The following CNKSR2 variants were observed in gnomAD, a reference collection of about 807,000 sequenced individuals.
CNKSR2 encodes connector enhancer of kinase suppressor of Ras 2.
A neutral mutation model predicts 84.4 loss-of-function variants in CNKSR2; 14 were observed. The ratio of observed to expected loss-of-function variants is 0.17; its 90% CI spans 0.11 to 0.26. The LOEUF (loss-of-function observed/expected upper bound fraction) is 0.26, where lower values mean the gene tolerates loss of function less well. CNKSR2 is among the 10% of genes least tolerant of loss of function. The pLI is 1.00. For missense variants in CNKSR2, 485 were observed against 771.2 expected, an observed-to-expected ratio of 0.63 and a Z score of 4.40; for synonymous variants, 275 against 277.9, an observed-to-expected ratio of 0.99 and a Z score of 0.10.
chrX:21,418,674 A>G (rs2090455070), intron 1 of CNKSR2, among the ~76,000 whole-genome samples: 1 of 110,797 alleles, frequency 9.0e-6, no homozygotes, highest in Non-Finnish European at 1.9e-5. Context: ...TTGGAGCTCC[A>G]TTGTATGTTG....
At chrX:21,483,830 G>A (rs764374317) in intron 5 of CNKSR2, among the ~76,000 whole-genome samples, 58 of 109,646 alleles carry the variant, frequency 5.3e-4, no homozygotes, top group South Asian at 3.9e-4. Flanking sequence ...TTAGTGAGGC[G>A]TATACTTACA....
At chrX:21,529,695 T>C (rs977587107) in intron 10 of CNKSR2, among the ~76,000 whole-genome samples, 4 of 110,203 alleles carry the variant, frequency 3.6e-5, no homozygotes, top group East Asian at 2.9e-4. Context: ...CACACACACA[T>C]ACACATACAC....
intron 13 of CNKSR2, 49 bp downstream of exon 13, chrX:21,563,501 G>A (rs2092211110): frequency 1.1e-6 from 1 of 929,142 alleles, no homozygotes; most frequent in Admixed American, 2.6e-5. Context: ...TTGGAAGACT[G>A]GCAAGTGACT....
intron 8 of CNKSR2, among the ~76,000 whole-genome samples, chrX:21,512,206 G>T (rs2091679617): frequency 9.0e-6 from 1 of 111,705 alleles, no homozygotes; most frequent in Non-Finnish European, 1.9e-5. Context: ...CTATTACAGA[G>T]GTTCTCAAAT....
At chrX:21,441,051 C>G (rs1439210324) in intron 4 of CNKSR2, 1 of 171,278 alleles carries the variant, frequency 5.8e-6, no homozygotes, top group Non-Finnish European at 1.1e-5. Context: ...ATTACCTGAA[C>G]TGATTTTCCA....
chrX:21,520,454 TATC>T (rs1451242538), intron 9 of CNKSR2, among the ~76,000 whole-genome samples: 3 of 103,337 alleles, frequency 2.9e-5, no homozygotes, highest in Non-Finnish European at 5.8e-5. Flanking sequence ...GGTGATTGCT[TATC>T]ATCAATTTCT....
chrX:21,453,191 C>G (rs2090957786), intron 4 of CNKSR2, among the ~76,000 whole-genome samples: 1 of 111,816 alleles, frequency 8.9e-6, no homozygotes, highest in African/African-American at 3.2e-5. Context: ...ATATTTGCAT[C>G]AGAACTTTTT....
chrX:21,625,142 T>C (rs902767808), intron 20 of CNKSR2, among the ~76,000 whole-genome samples: 2 of 112,587 alleles, frequency 1.8e-5, no homozygotes, highest in Non-Finnish European at 3.8e-5. Context: ...TAAATGCACA[T>C]CGTATTCTAA....
intron 20 of CNKSR2, among the ~76,000 whole-genome samples, chrX:21,612,991 T>G (rs2092558261): frequency 8.9e-6 from 1 of 112,405 alleles, no homozygotes; most frequent in African/African-American, 3.2e-5. Context: ...CTTGTTTTCC[T>G]TTGACTGAAA....
At chrX:21,462,936 G>A (rs960889805) in intron 4 of CNKSR2, among the ~76,000 whole-genome samples, 2 of 110,084 alleles carry the variant, frequency 1.8e-5, no homozygotes, top group Non-Finnish European at 3.8e-5. Flanking sequence ...TCGATCTCCT[G>A]ACCTTGTGAT....
intron 2 of CNKSR2, chrX:21,428,193 A>G (rs1199804514): frequency 1.8e-5 from 2 of 111,873 alleles, no homozygotes; most frequent in Admixed American, 1.9e-4. Context: ...CTTAGCTCAT[A>G]AAAGATGCTA....
chrX:21,458,092 T>C, intron 4 of CNKSR2, among the ~76,000 whole-genome samples: 1 of 112,440 alleles, frequency 8.9e-6, no homozygotes, highest in East Asian at 2.8e-4. Context: ...GGAATTTTTG[T>C]TAAATGGCTT....
At chrX:21,455,365 A>AAT (rs751524204) in intron 4 of CNKSR2, among the ~76,000 whole-genome samples, 2 of 111,780 alleles carry the variant, frequency 1.8e-5, no homozygotes, top group African/African-American at 6.5e-5. Context: ...CAAACATATT[A>AAT]ATGATTTTAT....
intron 8 of CNKSR2, among the ~76,000 whole-genome samples, chrX:21,512,729 G>A (rs988696094): frequency 3.6e-5 from 4 of 110,357 alleles, no homozygotes; most frequent in South Asian, 3.7e-4. Flanking sequence ...CCAAACTCCC[G>A]ACTTTAGAGG....
chrX:21,598,356 G>GA (rs200600980), intron 17 of CNKSR2, among the ~76,000 whole-genome samples: 1,670 of 111,073 alleles, frequency 0.015, 29 homozygotes, highest in African/African-American at 0.051. Context: ...TAATTGTGAT[G>GA]ACTCACCAAT....
intron 10 of CNKSR2, among the ~76,000 whole-genome samples, chrX:21,527,403 T>C (rs1216424032): frequency 9.0e-6 from 1 of 110,632 alleles, no homozygotes; most frequent in African/African-American, 3.3e-5. Context: ...ACTTTTATGC[T>C]TTCTTAAATG....
chrX:21,635,787 A>C (rs1336542800), intron 20 of CNKSR2, among the ~76,000 whole-genome samples: 2 of 110,727 alleles, frequency 1.8e-5, no homozygotes, highest in East Asian at 5.6e-4. Context: ...TGAAGTGAAC[A>C]TACTAAATGT....
intron 4 of CNKSR2, among the ~76,000 whole-genome samples, chrX:21,470,422 A>G (rs754118237): frequency 8.1e-5 from 9 of 111,655 alleles, no homozygotes; most frequent in Non-Finnish European, 1.7e-4. Context: ...ACATTTCAAC[A>G]GAATACATTT....
chrX:21,457,595 G>A (rs975680965), intron 4 of CNKSR2, among the ~76,000 whole-genome samples: 10 of 111,478 alleles, frequency 9.0e-5, no homozygotes, highest in East Asian at 2.8e-4. Context: ...GTATTTTAGC[G>A]ATTCAAGCAC....
Sources: gnomAD v4.1 joint callset for allele counts (sites outside exome capture counted in the v4.1 genomes callset) on GRCh38, gnomAD v4.1.1 for gene constraint, MANE v1.5 for transcripts, NCBI Gene and HGNC (gene_info 2026-07-23, HGNC 2026-07-21) for gene names.